Variants in CTNNA2 observed in about 807,000 individuals in gnomAD.
CTNNA2 encodes the protein catenin alpha-2.
CTNNA2 carries 42 observed loss-of-function variants against 101.0 expected under a neutral mutation model. The ratio of observed to expected loss-of-function variants is 0.42; its 90% CI spans 0.32 to 0.54. The LOEUF (loss-of-function observed/expected upper bound fraction) is 0.54, where lower values mean the gene tolerates loss of function less well. CTNNA2 is among the 20% of genes least tolerant of loss of function. The pLI, the probability that CTNNA2 is intolerant of heterozygous loss-of-function variation, is 0.14. For synonymous variants in CTNNA2, 450 were observed against 456.4 expected (o/e 0.99, Z 0.18); for missense variants, 871 against 1,223.1 (o/e 0.71, Z 4.29).
At chr2:80,551,620 C>G (rs913545275) in intron 11 of CTNNA2, among the ~76,000 whole-genome samples, 1 of 152,212 alleles carries the variant, frequency 6.6e-6, no homozygotes, top group African/African-American at 2.4e-5. Context: ...TAGCTTCCAG[C>G]TTTTCTTCTG....
chr2:79,664,246 C>G (rs2104543493), intron 2 of CTNNA2, among the ~76,000 whole-genome samples: 1 of 152,236 alleles, frequency 6.6e-6, no homozygotes, highest in Non-Finnish European at 1.5e-5. Flanking sequence ...TATAAATAAT[C>G]TCTATATTTT....
intron 6 of CTNNA2, among the ~76,000 whole-genome samples, chr2:79,883,733 CTTGTTTTTGGAA>C (rs1237607846): frequency 6.6e-6 from 1 of 152,082 alleles, no homozygotes; most frequent in African/African-American, 2.4e-5. Flanking sequence ...TATACCATAT[CTTGTTTTTGGAA>C]TCTTGTTTTG....
chr2:79,827,605 A>G (rs989566457), intron 3 of CTNNA2, among the ~76,000 whole-genome samples: 1 of 152,202 alleles, frequency 6.6e-6, no homozygotes, highest in African/African-American at 2.4e-5. Flanking sequence ...CTGCAGCCAG[A>G]AATTGACTTT....
intron 7 of CTNNA2, among the ~76,000 whole-genome samples, chr2:80,113,541 G>T (rs1417583360): frequency 6.6e-6 from 1 of 152,140 alleles, no homozygotes; most frequent in Non-Finnish European, 1.5e-5. Flanking sequence ...CCCACCACCT[G>T]TTTTAGTAAA....
chr2:80,245,454 T>A (rs1671247619), intron 7 of CTNNA2, among the ~76,000 whole-genome samples: 1 of 152,214 alleles, frequency 6.6e-6, no homozygotes, highest in Admixed American at 6.5e-5. Flanking sequence ...AATATTTAGA[T>A]CACATTCACA....
At chr2:79,804,598 C>G (rs1282519817) in intron 3 of CTNNA2, among the ~76,000 whole-genome samples, 1 of 152,022 alleles carries the variant, frequency 6.6e-6, no homozygotes, top group Non-Finnish European at 1.5e-5. Flanking sequence ...TTGACTTAAT[C>G]TGTGTCATGA....
chr2:79,244,865 C>T (rs529173119), intron 2 of CTNNA2, among the ~76,000 whole-genome samples: 10 of 152,208 alleles, frequency 6.6e-5, no homozygotes, highest in East Asian at 5.8e-4. Flanking sequence ...GAGGCTGAGG[C>T]GGGTGGATCA....
At chr2:79,534,407 AT>A (rs1239191461) in intron 1 of CTNNA2, among the ~76,000 whole-genome samples, 5 of 152,122 alleles carry the variant, frequency 3.3e-5, no homozygotes, top group Non-Finnish European at 7.4e-5. Flanking sequence ...ATTGTTTGTT[AT>A]AACGCTAGGA....
At chr2:79,815,876 T>G (rs963293313) in intron 3 of CTNNA2, among the ~76,000 whole-genome samples, 1 of 152,216 alleles carries the variant, frequency 6.6e-6, no homozygotes, top group East Asian at 1.9e-4. Context: ...CAATATTGAT[T>G]GTGCCCATCC....
chr2:80,309,328 C>G (rs1677316090), intron 7 of CTNNA2, among the ~76,000 whole-genome samples: 1 of 152,202 alleles, frequency 6.6e-6, no homozygotes, highest in South Asian at 2.1e-4. Flanking sequence ...GATTTCTTAA[C>G]TGACTCCGAG....
At chr2:80,183,853 G>T (rs150833474) in intron 7 of CTNNA2, among the ~76,000 whole-genome samples, 1 of 150,090 alleles carries the variant, frequency 6.7e-6, no homozygotes, top group Non-Finnish European at 1.5e-5. Context: ...TTAACCTCGC[G>T]ATTAAACGTA....
intron 4 of CTNNA2, among the ~76,000 whole-genome samples, chr2:79,406,304 T>C (rs143800897): frequency 1.3e-5 from 2 of 151,314 alleles, no homozygotes; most frequent in African/African-American, 4.9e-5. Flanking sequence ...GAGCCAACTT[T>C]ATTTAGCTTT....
chr2:79,413,966 TATATATAA>T (rs1678448459), intron 4 of CTNNA2, among the ~76,000 whole-genome samples: 1 of 109,444 alleles, frequency 9.1e-6, no homozygotes, highest in African/African-American at 3.1e-5. Flanking sequence ...TATATATATA[TATATATAA>T]GCTTTTTAGT....
At chr2:80,639,521 G>GTGTGTC (rs1553418426) in intron 18 of CTNNA2, among the ~76,000 whole-genome samples, 1 of 113,550 alleles carries the variant, frequency 8.8e-6, no homozygotes, top group African/African-American at 4.9e-5. Flanking sequence ...TGATGTGTGT[G>GTGTGTC]TGTGTGTGTG....
At chr2:79,396,219 A>G (rs185357646) in intron 4 of CTNNA2, among the ~76,000 whole-genome samples, 15 of 152,030 alleles carry the variant, frequency 9.9e-5, no homozygotes, top group East Asian at 7.8e-4. Context: ...CTGGAGTACA[A>G]TGGTGCAATC....
intron 15 of CTNNA2, among the ~76,000 whole-genome samples, chr2:80,590,326 AAAT>A (rs1164288042): frequency 1.3e-5 from 2 of 152,224 alleles, no homozygotes; most frequent in African/African-American, 2.4e-5. Flanking sequence ...CGAAATGGTG[AAAT>A]AACACTTGTC....
At chr2:79,200,360 G>A (rs1674018840) in intron 2 of CTNNA2, among the ~76,000 whole-genome samples, 1 of 150,926 alleles carries the variant, frequency 6.6e-6, no homozygotes, top group African/African-American at 2.5e-5. Context: ...CTGCAGCCTG[G>A]GCAACAGAGA....
intron 1 of CTNNA2, among the ~76,000 whole-genome samples, chr2:79,519,884 G>A (rs1247161325): frequency 1.3e-5 from 2 of 152,198 alleles, no homozygotes; most frequent in Non-Finnish European, 2.9e-5. Flanking sequence ...CTCCCAGTGT[G>A]TGGTTGGCTT....
chr2:79,193,429 TA>T, intron 1 of CTNNA2, among the ~76,000 whole-genome samples: 1 of 152,316 alleles, frequency 6.6e-6, no homozygotes, highest in South Asian at 2.1e-4. Flanking sequence ...TTCCGTACAA[TA>T]ACATACTATA....
Sources: allele counts gnomAD v4.1 joint callset (sites outside exome capture counted in the v4.1 genomes callset), GRCh38; gene constraint gnomAD v4.1.1; transcripts MANE v1.5; gene names NCBI Gene and HGNC (gene_info 2026-07-23, HGNC 2026-07-21).